The following SLC20A2 variants were observed in gnomAD, a reference collection of about 807,000 sequenced individuals.
SLC20A2 encodes solute carrier family 20 member 2.
A neutral mutation model predicts 61.0 loss-of-function variants in SLC20A2; 30 were observed. The observed-to-expected ratio is 0.49, with a 90% CI of 0.37 to 0.67. The LOEUF (loss-of-function observed/expected upper bound fraction) is 0.67, where lower values mean the gene tolerates loss of function less well. SLC20A2 is among the 30% of genes least tolerant of loss of function. The pLI, the probability that SLC20A2 is intolerant of heterozygous loss-of-function variation, is 0.00. For synonymous variants in SLC20A2, 351 were observed against 353.3 expected (o/e 0.99, Z 0.07); for missense variants, 626 against 866.4 (o/e 0.72, Z 3.48).
intron 10 of SLC20A2, among the ~76,000 whole-genome samples, chr8:42,418,177 A>G (rs895518785): frequency 1.3e-5 from 2 of 152,180 alleles, no homozygotes; most frequent in African/African-American, 4.8e-5. Flanking sequence ...GTTGTTTTAT[A>G]TAGTTGTTTT....
At chr8:42,438,086 A>C (rs1219979957) in intron 7 of SLC20A2, among the ~76,000 whole-genome samples, 2 of 150,142 alleles carry the variant, frequency 1.3e-5, no homozygotes, top group East Asian at 1.9e-4. Flanking sequence ...AAAAAAAAAA[A>C]AAACATGGAA....
At position 42,428,847 on chromosome 8, in the gene SLC20A2, G is replaced by C. The variant is rs529584086; in HGVS notation, c.1710-5C>G. On this transcript the variant is annotated splice_polypyrimidine_tract_variant and splice_region_variant and intron_variant, in intron 9 of 10. Transcript: ENST00000520262. ...GCCAGCTCGATCGTGAAGCCGCTGT[G>C]GGGGGAGCATGAGACACGTCACAGG... 27 of 1,586,438 alleles carry C rather than the reference G, an allele frequency of 1.7e-5. No individual in the cohort carries two copies. Among genetic ancestry groups the C allele is most frequent in the Non-Finnish European group, 1.9e-5 (22 of 1,167,032 alleles).
intron 1 of SLC20A2, among the ~76,000 whole-genome samples, chr8:42,475,785 G>A (rs1434427823): frequency 1.3e-5 from 2 of 151,710 alleles, no homozygotes; most frequent in Non-Finnish European, 2.9e-5. Context: ...GGATGAGTCA[G>A]GAGCCCGCTG....
At chr8:42,541,189 G>A (rs916785522) in intron 1 of SLC20A2, 3 of 152,100 alleles carry the variant, frequency 2.0e-5, no homozygotes, top group African/African-American at 7.2e-5. Context: ...GGAGGCGCCC[G>A]GCACTCGCAG....
chr8:42,526,056 C>T (rs1458047617), intron 1 of SLC20A2, among the ~76,000 whole-genome samples: 2 of 152,174 alleles, frequency 1.3e-5, no homozygotes, highest in Admixed American at 6.5e-5. Flanking sequence ...ACTCCTGAAG[C>T]GTGGGCTGCC....
intron 8 of SLC20A2, among the ~76,000 whole-genome samples, chr8:42,432,429 TCTA>T (rs1368310294): frequency 6.6e-6 from 1 of 152,186 alleles, no homozygotes; most frequent in East Asian, 1.9e-4. Context: ...TGAGATGAAA[TCTA>T]CTCCTGGTGA....
rs1171113636 is a variant in SLC20A2 at position 42,438,065 on chromosome 8, A to C, written c.935-488T>G. Among the ~76,000 whole-genome samples the C allele has an allele frequency of 7.3e-3, 845 of 115,022 alleles. 102 individuals are homozygous for C. Among genetic ancestry groups the C allele is most frequent in the African/African-American group, 0.031 (741 of 23,578 alleles). 75.5% of individuals were successfully genotyped at this position (115,022 alleles called of 152,430 possible). ...TGGTTACCACTAAAAAAAAAAACCA[A>C]AAAAAAAAAAAAAAAAAAAAAAAAC... On this transcript the variant is annotated intron_variant, in intron 7 of 10. Transcript: ENST00000520262.
At chr8:42,435,371 C>T (rs996042106) in intron 8 of SLC20A2, among the ~76,000 whole-genome samples, 2 of 152,148 alleles carry the variant, frequency 1.3e-5, no homozygotes, top group East Asian at 3.9e-4. Flanking sequence ...TCACCATGAC[C>T]GTGATGGCAA....
At chr8:42,445,582 C>G (rs1490207787) in intron 5 of SLC20A2, among the ~76,000 whole-genome samples, 1 of 152,084 alleles carries the variant, frequency 6.6e-6, no homozygotes, top group Non-Finnish European at 1.5e-5. Flanking sequence ...AAAAACTTAG[C>G]CAGGCGCGGT....
Position 42,428,793 on chromosome 8 carries a change from T to C in SLC20A2, c.1759A>G (p.Asn587Asp). The C allele has an allele frequency of 1.2e-6, 2 of 1,611,462 alleles. No homozygotes were observed. The highest frequency in any genetic ancestry group is 1.7e-6 in the Non-Finnish European group (2 of 1,178,894). ...ASAFTVVIAS[N>D]IGLPVSTTHC... The stretch of plus-strand genomic sequence containing the variant: ...GTGGTGCTGACTGGAAGCCCGATGT[T>C]GGAGGCGATCACCACTGTGAAGGCT... The change falls in exon 10 of 11, where the codon AAC becomes GAC. Residue 587 changes from asparagine to aspartate, a missense_variant. Transcript: ENST00000520262.
In SLC20A2 at chr8:42,423,987, T is replaced by C. The variant is rs531832375; in HGVS notation, c.1794+4771A>G. On this transcript the variant is annotated intron_variant, in intron 10 of 10. Transcript: ENST00000520262. The stretch of plus-strand genomic sequence containing the variant: ...CATTTGAAATCAGTAGTGTTCCCTG[T>C]ATGCTGTTCCAAATTGAAATGGTGG... Among the ~76,000 whole-genome samples the C allele has an allele frequency of 1.8e-4, 27 of 152,346 alleles. No homozygotes were observed. The South Asian group carries it at 5.4e-3, about 30-fold the overall frequency.
chr8:42,496,393 G>A (rs1809929413), intron 1 of SLC20A2, among the ~76,000 whole-genome samples: 1 of 152,204 alleles, frequency 6.6e-6, no homozygotes, highest in Non-Finnish European at 1.5e-5. Flanking sequence ...AAAGGGCACA[G>A]GCATAACTAA....
chr8:42,504,906 G>A (rs1226079837), upstream of SLC20A2, among the ~76,000 whole-genome samples: 9 of 127,062 alleles, frequency 7.1e-5, no homozygotes, highest in Non-Finnish European at 1.1e-4. Context: ...CAGTTACTAT[G>A]CCAGGTACTG....
chr8:42,498,523 G>A (rs562821495), intron 1 of SLC20A2, among the ~76,000 whole-genome samples: 1 of 152,256 alleles, frequency 6.6e-6, no homozygotes, highest in African/African-American at 2.4e-5. Flanking sequence ...GTAGCATGTG[G>A]GTTGGAACTA....
At chr8:42,446,790 CCTTTA>C (rs1438277667) in intron 5 of SLC20A2, among the ~76,000 whole-genome samples, 2 of 151,802 alleles carry the variant, frequency 1.3e-5, no homozygotes, top group Admixed American at 6.6e-5. Context: ...ATTACACATA[CCTTTA>C]TAGTGGTAAC....
At chr8:42,420,560 ACAGT>A (rs1222196322) in intron 10 of SLC20A2, among the ~76,000 whole-genome samples, 4 of 152,128 alleles carry the variant, frequency 2.6e-5, no homozygotes, top group Non-Finnish European at 5.9e-5. Flanking sequence ...TTCTAGACTG[ACAGT>A]CAGCTATTCA....
In SLC20A2 at chr8:42,428,773, G is replaced by A. The variant is rs867890029; in HGVS notation, c.1779C>T (p.Ser593=). The A allele has an allele frequency of 6.2e-7, 1 of 1,611,610 alleles. No homozygotes were observed. The highest frequency in any genetic ancestry group is 8.5e-7 in the Non-Finnish European group (1 of 1,179,008). Residue 593 remains serine, a synonymous_variant, in exon 10 of 11, where the codon AGC becomes AGT. Coordinates refer to ENST00000520262, the MANE Select transcript of SLC20A2 (RefSeq NM_001257180.2). Reference sequence around the variant, plus strand: ...AGGGGCCTACCTTACAGTGCGTGGTGCTGACTGGAAGCCCGATGTTGGAGG... The same window carrying A: ...AGGGGCCTACCTTACAGTGCGTGGTACTGACTGGAAGCCCGATGTTGGAGG... ...VIASNIGLPV[S]TTHCKVGSVV...
intron 6 of SLC20A2, among the ~76,000 whole-genome samples, chr8:42,443,290 T>C (rs1457341234): frequency 7.4e-6 from 1 of 135,320 alleles, no homozygotes; most frequent in Non-Finnish European, 1.6e-5. Flanking sequence ...TATATATATA[T>C]ATATATATAT....
At chr8:42,484,057 T>C (rs1198504670) in intron 1 of SLC20A2, among the ~76,000 whole-genome samples, 4 of 152,220 alleles carry the variant, frequency 2.6e-5, no homozygotes, top group Non-Finnish European at 5.9e-5. Flanking sequence ...TTATCTTAAC[T>C]CCTTTCCATG....
Sources: allele counts gnomAD v4.1 joint callset (sites outside exome capture counted in the v4.1 genomes callset), GRCh38; gene constraint gnomAD v4.1.1; transcripts MANE v1.5; gene names NCBI Gene and HGNC (gene_info 2026-07-23, HGNC 2026-07-21).